PIP5K1C: variants seen among roughly 807,000 people sequenced by gnomAD.
PIP5K1C encodes the protein phosphatidylinositol-4-phosphate 5-kinase type 1 gamma.
Under a neutral mutation model 80.1 loss-of-function variants are expected in PIP5K1C, and 45 were observed. The observed-to-expected ratio is 0.56, with a 90% confidence interval of 0.44 to 0.72. PIP5K1C has a LOEUF of 0.72. Among genes scored for constraint, PIP5K1C ranks in the 30% least tolerant of loss-of-function variants. The probability of loss-of-function intolerance (pLI) is 0.00; values close to 1 mark genes in which losing one functional copy is unlikely to be tolerated. For synonymous variants in PIP5K1C, 498 were observed against 420.1 expected (o/e 1.19, Z -2.27); for missense variants, 753 against 954.6 (o/e 0.79, Z 2.78).
chr19:3,656,033 C>T (rs1428414020), intron 6 of PIP5K1C, among the ~76,000 whole-genome samples: 1 of 152,174 alleles, frequency 6.6e-6, no homozygotes, highest in Non-Finnish European at 1.5e-5. Context: ...TCTGAGTCAC[C>T]CTTGGGCCCC....
intron 8 of PIP5K1C, among the ~76,000 whole-genome samples, chr19:3,649,137 G>A (rs1235458450): frequency 2.6e-5 from 1 of 37,992 alleles, no homozygotes; most frequent in Non-Finnish European, 4.7e-5. Flanking sequence ...CCTGCCCAGC[G>A]CGGGAGTTAA....
intron 5 of PIP5K1C, among the ~76,000 whole-genome samples, chr19:3,659,667 G>A (rs887772657): frequency 3.3e-5 from 5 of 151,986 alleles, no homozygotes; most frequent in African/African-American, 7.2e-5. Flanking sequence ...TTGGCGACAC[G>A]ACCCGGAGCA....
intron 7 of PIP5K1C, among the ~76,000 whole-genome samples, chr19:3,652,443 C>A (rs2034487030): frequency 1.3e-5 from 2 of 152,296 alleles, no homozygotes; most frequent in African/African-American, 4.8e-5. Context: ...CCTGAGTGGT[C>A]TGGGCGGTTT....
chr19:3,689,905 G>T (rs996150559), intron 1 of PIP5K1C, among the ~76,000 whole-genome samples: 1 of 152,216 alleles, frequency 6.6e-6, no homozygotes, highest in Non-Finnish European at 1.5e-5. Context: ...ATCTCTGTGC[G>T]GGCTGTACAG....
chr19:3,694,324 C>T (rs1200357706), intron 1 of PIP5K1C, among the ~76,000 whole-genome samples: 3 of 152,202 alleles, frequency 2.0e-5, no homozygotes, highest in Non-Finnish European at 4.4e-5. Context: ...GACCACCCTG[C>T]CCAGGCTCCC....
At chr19:3,677,696 G>T (rs947899310) in intron 1 of PIP5K1C, among the ~76,000 whole-genome samples, 11 of 148,296 alleles carry the variant, frequency 7.4e-5, no homozygotes, top group African/African-American at 2.8e-4. Context: ...AGCTGAGAGG[G>T]ATGGCGGAAT....
intron 1 of PIP5K1C, among the ~76,000 whole-genome samples, chr19:3,699,885 G>A (rs1034096053): frequency 8.5e-5 from 13 of 152,180 alleles, no homozygotes; most frequent in African/African-American, 2.9e-4. Flanking sequence ...GGAAGGTGAG[G>A]AAAGGTCGCG....
chr19:3,640,886 A>G (rs1255403612), intron 15 of PIP5K1C, among the ~76,000 whole-genome samples: 1 of 151,802 alleles, frequency 6.6e-6, no homozygotes, highest in Non-Finnish European at 1.5e-5. Flanking sequence ...ATGGGGTTTC[A>G]CCATGTTAGC....
chr19:3,694,392 C>T (rs568620304), intron 1 of PIP5K1C, among the ~76,000 whole-genome samples: 3 of 152,134 alleles, frequency 2.0e-5, no homozygotes, highest in Non-Finnish European at 4.4e-5. Context: ...TCGGCACACA[C>T]CTGCCACAGT....
Position 3,648,714 on chromosome 19 carries a change from G to T in PIP5K1C, c.1128-6C>A, listed in dbSNP as rs377212577. On this transcript the variant is annotated splice_region_variant and splice_polypyrimidine_tract_variant and intron_variant, in intron 8 of 17. Coordinates refer to ENST00000335312, the MANE Select transcript of PIP5K1C (RefSeq NM_012398.3). The surrounding 1 kb of genome is among the most constrained non-coding windows in gnomAD (Gnocchi z 4.3). ...CAGCGGGGATCCCGCCCATCCTGGG[G>T]AGAGAGGCCGAGGGTACCATCAGCA... is the stretch of plus-strand genomic sequence containing the variant. 2 of 1,611,840 alleles carry T rather than the reference G, an allele frequency of 1.2e-6. No individual in the cohort carries two copies. The highest frequency in any genetic ancestry group is 1.7e-5 in the Admixed American group (1 of 59,982).
chr19:3,676,523 G>A (rs1430112108), intron 1 of PIP5K1C, among the ~76,000 whole-genome samples: 1 of 152,204 alleles, frequency 6.6e-6, no homozygotes, highest in East Asian at 1.9e-4. Context: ...CCCCCGCCTG[G>A]CACACTCGCC....
intron 4 of PIP5K1C, 78 bp from the exon 5 acceptor site, chr19:3,661,161 T>G: frequency 2.1e-6 from 2 of 959,414 alleles, no homozygotes; most frequent in Non-Finnish European, 3.3e-6. Context: ...TCCCTCCTAG[T>G]GCCTCTAGCA....
intron 9 of PIP5K1C, among the ~76,000 whole-genome samples, 164 bp from the exon 10 acceptor site, chr19:3,647,550 G>A (rs2034284237): frequency 6.6e-6 from 1 of 152,176 alleles, no homozygotes; most frequent in African/African-American, 2.4e-5. Context: ...GGAGTGGGTG[G>A]AGGCTCTCTG....
chr19:3,651,227 T>C (rs912136721), intron 8 of PIP5K1C, among the ~76,000 whole-genome samples: 3 of 152,138 alleles, frequency 2.0e-5, no homozygotes, highest in African/African-American at 7.2e-5. Flanking sequence ...AGCTACATTT[T>C]ATATTTTTTG....
chr19:3,675,534 A>G (rs1001404608), intron 1 of PIP5K1C, among the ~76,000 whole-genome samples: 1 of 152,208 alleles, frequency 6.6e-6, no homozygotes, highest in South Asian at 2.1e-4. Context: ...AGTAAACAGC[A>G]ACTACCGAGG....
Position 3,648,581 on chromosome 19 carries a change from G to C in PIP5K1C, c.1211+44C>G. 1 of 1,555,948 alleles carries C rather than the reference G, an allele frequency of 6.4e-7. No homozygotes were observed. The highest frequency in any genetic ancestry group is 8.8e-7 in the Non-Finnish European group (1 of 1,130,004). ...CCGGGCGCCCACCTGTGGGACTGCA[G>C]ACCCGGGGCGTCCACCTGTAGGACT... is the stretch of plus-strand genomic sequence containing the variant. On this transcript the variant is annotated intron_variant, in intron 9 of 17. Coordinates refer to ENST00000335312, the MANE Select transcript of PIP5K1C (RefSeq NM_012398.3). This position sits in a 1 kb window ranked among gnomAD's most constrained non-coding sequence, Gnocchi z 4.3.
Position 3,637,241 on chromosome 19 carries a change from G to C in PIP5K1C, c.1920+1643C>G. On this transcript the variant is annotated intron_variant, in intron 16 of 17. Coordinates refer to ENST00000335312, the MANE Select transcript of PIP5K1C (RefSeq NM_012398.3). The surrounding 1 kb of genome is among the most constrained non-coding windows in gnomAD (Gnocchi z 7.0). ...CCAGGGGCAGAGAGGGGCTCGCTGG[G>C]GTCTGGCCGGGGTCCGAAGCAGACC... 2.8e-6 allele frequency: 4 copies of C among 1,447,734 alleles called. No individual in the cohort carries two copies. In the South Asian group the frequency reaches 5.8e-5, roughly 21 times the overall value. The allele number at this position is 1,447,734 out of a possible 1,614,324, so 89.7% of individuals were successfully genotyped here.
In PIP5K1C at chr19:3,700,397, G is replaced by A. The variant is rs2036262234; in HGVS notation, c.-7C>T. On this transcript the variant is annotated 5_prime_UTR_variant, in exon 1 of 18. Coordinates refer to ENST00000335312, the MANE Select transcript of PIP5K1C (RefSeq NM_012398.3). ...CCGGTACCTCCAGCTCCATGGCCGC[G>A]CGCGGACGGCGGCGGGGGCGCCCGA... 1.8e-6 allele frequency: 2 copies of A among 1,125,032 alleles called. No individual in the cohort carries two copies. Among genetic ancestry groups the A allele is most frequent in the African/African-American group, 1.7e-5 (1 of 59,728 alleles). 69.7% of individuals were successfully genotyped at this position (1,125,032 alleles called of 1,614,324 possible).
chr19:3,630,682 TG>T lies in PIP5K1C; in HGVS notation c.*2484del, dbSNP rs1477273607. On this transcript the variant is annotated 3_prime_UTR_variant, in exon 18 of 18. Transcript: ENST00000335312. ...GGGACAGAGCCTGGCAGGAGACACA[TG>T]GAAGTTTCCGCCTTGTCAGTCTCAG... The T allele has an allele frequency of 6.6e-6, 1 of 152,424 alleles. No homozygotes were observed. Among genetic ancestry groups the T allele is most frequent in the African/African-American group, 2.4e-5 (1 of 41,386 alleles). 9.4% of individuals were successfully genotyped at this position (152,424 alleles called of 1,614,324 possible).
Sources: gnomAD v4.1 joint callset for allele counts (sites outside exome capture counted in the v4.1 genomes callset) on GRCh38, gnomAD v4.1.1 for gene constraint, Gnocchi (gnomAD v3.1) non-coding constraint, MANE v1.5 for transcripts, NCBI Gene and HGNC (gene_info 2026-07-23, HGNC 2026-07-21) for gene names.